VAPB: variants seen among roughly 807,000 people sequenced by gnomAD.
VAPB encodes the protein vesicle-associated membrane protein-associated protein B/C.
A neutral mutation model predicts 25.6 loss-of-function variants in VAPB; 7 were observed. The observed-to-expected ratio is 0.27, with a 90% CI of 0.16 to 0.51. The LOEUF is 0.51. Among genes scored for constraint, VAPB ranks in the 20% least tolerant of loss-of-function variants. The pLI, the probability that VAPB is intolerant of heterozygous loss-of-function variation, is 0.97. For missense variants in VAPB, 266 were observed against 301.3 expected (o/e 0.88, Z 0.87); for synonymous variants, 112 against 109.2 (o/e 1.03, Z -0.16).
At chr20:58,416,031 C>A (rs1305256640) in intron 1 of VAPB, among the ~76,000 whole-genome samples, 20 of 152,130 alleles carry the variant, frequency 1.3e-4, no homozygotes, top group Admixed American at 1.3e-3. Flanking sequence ...GATGTTGTTT[C>A]ATTGCATATA....
chr20:58,418,798 C>G (rs1250555987), intron 2 of VAPB, among the ~76,000 whole-genome samples: 1 of 152,188 alleles, frequency 6.6e-6, no homozygotes, highest in Admixed American at 6.5e-5. Flanking sequence ...TGACATTAAG[C>G]TCATACCATT....
intron 2 of VAPB, among the ~76,000 whole-genome samples, chr20:58,430,004 T>C (rs1988890752): frequency 6.6e-6 from 1 of 151,182 alleles, no homozygotes; most frequent in Admixed American, 6.6e-5. Flanking sequence ...GCCCAGGAGT[T>C]GTAGGCCAGC....
chr20:58,392,222 A>T (rs1987820925), intron 1 of VAPB, among the ~76,000 whole-genome samples: 1 of 152,240 alleles, frequency 6.6e-6, no homozygotes, highest in South Asian at 2.1e-4. Flanking sequence ...AGAAGGAATG[A>T]CATGGCTGTT....
rs886056835 is a variant in VAPB at position 58,450,473 on chromosome 20, T to C, written c.*6238T>C. The C allele has an allele frequency of 1.1e-5, 5 of 453,906 alleles. No individual in the cohort carries two copies. Among genetic ancestry groups the C allele is most frequent in the Admixed American group, 4.7e-5 (2 of 42,542 alleles). 28.1% of individuals were successfully genotyped at this position (453,906 alleles called of 1,614,324 possible). A position where few individuals can be genotyped will look rare whatever the true frequency, so the allele number is the denominator to read the frequency against. ...GATACACCGAGAGAAAAATGCAAAATATATTTGGTTCTCATTTCTGTTGCT... is the reference window on the plus strand; with the variant it reads ...GATACACCGAGAGAAAAATGCAAAACATATTTGGTTCTCATTTCTGTTGCT... On this transcript the variant is annotated 3_prime_UTR_variant, in exon 6 of 6. Transcript: ENST00000475243.
chr20:58,417,164 G>T (rs976508846), intron 1 of VAPB, among the ~76,000 whole-genome samples: 1 of 152,182 alleles, frequency 6.6e-6, no homozygotes, highest in Admixed American at 6.5e-5. Flanking sequence ...ATTTGAAAAG[G>T]TGTTGAAAAA....
At chr20:58,421,336 A>G (rs1433972048) in intron 2 of VAPB, among the ~76,000 whole-genome samples, 4 of 152,214 alleles carry the variant, frequency 2.6e-5, no homozygotes, top group Admixed American at 2.0e-4. Flanking sequence ...CTAGTTTTTG[A>G]AGAAGGTGGA....
intron 1 of VAPB, among the ~76,000 whole-genome samples, chr20:58,407,416 AT>A (rs1296643764): frequency 6.6e-6 from 1 of 152,212 alleles, no homozygotes; most frequent in Non-Finnish European, 1.5e-5. Flanking sequence ...CAAGTAGAAA[AT>A]TATTTCAAAA....
intron 1 of VAPB, among the ~76,000 whole-genome samples, chr20:58,409,396 C>T (rs1299802820): frequency 1.3e-5 from 2 of 152,074 alleles, no homozygotes. Context: ...TTAGAATGTC[C>T]GTGTCCCTCC....
chr20:58,422,749 TAA>T (rs1405124880), intron 2 of VAPB, among the ~76,000 whole-genome samples: 2 of 152,190 alleles, frequency 1.3e-5, no homozygotes, highest in African/African-American at 4.8e-5. Context: ...AATATGATAT[TAA>T]GTTTAATATT....
intron 1 of VAPB, among the ~76,000 whole-genome samples, chr20:58,414,857 G>A (rs543601868): frequency 1.3e-3 from 195 of 152,386 alleles, no homozygotes; most frequent in African/African-American, 4.5e-3. Context: ...TCAGCACTCT[G>A]GGAGGCCAAG....
rs999587372 is a variant in VAPB at position 58,445,252 on chromosome 20, T to G, written c.*1017T>G. On this transcript the variant is annotated 3_prime_UTR_variant, in exon 6 of 6. Coordinates refer to ENST00000475243, the MANE Select transcript of VAPB (RefSeq NM_004738.5). ...TAGTCAGTCTTCTAGATTGTTCTTA[T>G]ACCACCTCTCAACCATTACTCACAC... 3 of 454,158 alleles carry G rather than the reference T, an allele frequency of 6.6e-6. No homozygotes were observed. Among genetic ancestry groups the G allele is most frequent in the East Asian group, 1.4e-4 (2 of 14,406 alleles). The allele number at this position is 454,158 out of a possible 1,614,324, so 28.1% of individuals were successfully genotyped here.
At chr20:58,418,121 T>TTCC in intron 1 of VAPB, 90 bp from the exon 2 acceptor site, 1 of 1,561,346 alleles carries the variant, frequency 6.4e-7, no homozygotes, top group East Asian at 2.2e-5. Context: ...ATCTCAAATC[T>TTCC]TCCCTTAACT....
rs753115481 is a variant in VAPB, at chr20:58,389,306, C to CCA, written c.-153_-152insAC. The CCA allele has an allele frequency of 1.4e-6, 1 of 690,014 alleles. No individual in the cohort carries two copies. Among genetic ancestry groups the CCA allele is most frequent in the Non-Finnish European group, 2.5e-6 (1 of 398,550 alleles). The allele number at this position is 690,014 out of a possible 1,614,324, so 42.7% of individuals were successfully genotyped here. On this transcript the variant is annotated 5_prime_UTR_variant, in exon 1 of 6. Coordinates refer to ENST00000475243, the MANE Select transcript of VAPB (RefSeq NM_004738.5). ...GCGCCTGCACCGCGTAGACCGACCC[C>CCA]CCCCCAGCGCGCCCACCCGGTAGAG...
intron 5 of VAPB, among the ~76,000 whole-genome samples, chr20:58,443,063 A>G (rs541559808): frequency 1.3e-5 from 2 of 152,316 alleles, no homozygotes; most frequent in East Asian, 3.9e-4. Context: ...ATAGATCTAC[A>G]TAGTAACTTG....
At chr20:58,401,642 C>T (rs554858241) in intron 1 of VAPB, among the ~76,000 whole-genome samples, 14 of 152,240 alleles carry the variant, frequency 9.2e-5, no homozygotes, top group African/African-American at 3.1e-4. Context: ...GGTTCACCTT[C>T]TCCCCCTCTT....
intron 2 of VAPB, among the ~76,000 whole-genome samples, 166 bp from the exon 3 acceptor site, chr20:58,434,436 C>T (rs1035301067): frequency 2.6e-5 from 4 of 152,136 alleles, no homozygotes; most frequent in Admixed American, 6.5e-5. Flanking sequence ...TGGTGACCTG[C>T]AAAATGGAGA....
In VAPB at chr20:58,445,735, T is replaced by G. The variant is rs1219374033; in HGVS notation, c.*1500T>G. 2 of 453,028 alleles carry G rather than the reference T, an allele frequency of 4.4e-6. No individual in the cohort carries two copies. Among genetic ancestry groups the G allele is most frequent in the African/African-American group, 4.0e-5 (2 of 49,606 alleles). The allele number at this position is 453,028 out of a possible 1,614,324, so 28.1% of individuals were successfully genotyped here. A position where few individuals can be genotyped will look rare whatever the true frequency, so the allele number is the denominator to read the frequency against. ...GTGTGTGTGTGTATTTTTTTTTTGG[T>G]TGTCTTCAGCTGACAGTATGAAAAA... On this transcript the variant is annotated 3_prime_UTR_variant, in exon 6 of 6. Transcript: ENST00000475243.
rs182712704 is a variant in VAPB at position 58,445,415 on chromosome 20, A to G, written c.*1180A>G. On this transcript the variant is annotated 3_prime_UTR_variant, in exon 6 of 6. Transcript: ENST00000475243. ...GGGTGGGGAGCAAGGGAAGAGAGAA[A>G]CTCTTCAGCGAATCCTTCTAGTACT... The G allele has an allele frequency of 4.4e-6, 2 of 454,262 alleles. No individual in the cohort carries two copies. The highest frequency in any genetic ancestry group is 8.8e-6 in the Non-Finnish European group (2 of 226,736). The allele number at this position is 454,262 out of a possible 1,614,324, so 28.1% of individuals were successfully genotyped here.
chr20:58,444,689 C>G lies in VAPB; in HGVS notation c.*454C>G. ...GTCCCCACGTGGCCCACTCCCGGCCCAGGCTGCTTTCCGTGTCTTCAGTTC... is the reference window on the plus strand; with the variant it reads ...GTCCCCACGTGGCCCACTCCCGGCCGAGGCTGCTTTCCGTGTCTTCAGTTC... On this transcript the variant is annotated 3_prime_UTR_variant, in exon 6 of 6. Transcript: ENST00000475243. 4.4e-6 allele frequency: 2 copies of G among 454,518 alleles called. No individual in the cohort carries two copies. The highest frequency in any genetic ancestry group is 8.8e-6 in the Non-Finnish European group (2 of 226,952). 28.2% of individuals were successfully genotyped at this position (454,518 alleles called of 1,614,324 possible).
Sources: allele counts gnomAD v4.1 joint callset (sites outside exome capture counted in the v4.1 genomes callset), GRCh38; gene constraint gnomAD v4.1.1; transcripts MANE v1.5; gene names NCBI Gene and HGNC (gene_info 2026-07-23, HGNC 2026-07-21).